SNX29: variants seen among roughly 807,000 people sequenced by gnomAD.
SNX29 encodes the protein sorting nexin 29.
Under a neutral mutation model 102.1 loss-of-function variants are expected in SNX29, and 78 were observed. The ratio of observed to expected loss-of-function variants is 0.76; its 90% CI spans 0.64 to 0.92. The LOEUF is 0.92. SNX29 is among the 40% of genes least tolerant of loss of function. The probability of loss-of-function intolerance (pLI) is 0.00; values close to 1 mark genes in which losing one functional copy is unlikely to be tolerated. For missense variants in SNX29, 1,280 were observed against 1,061.7 expected (o/e 1.21, Z -2.86); for synonymous variants, 580 against 414.5 (o/e 1.40, Z -4.85).
intron 15 of SNX29, among the ~76,000 whole-genome samples, chr16:12,343,699 G>C (rs8051010): frequency 0.41 from 61,107 of 150,856 alleles, 14,107 homozygotes; most frequent in Non-Finnish European, 0.54. Context: ...CCACGAGATA[G>C]GGAGCTCTGT....
chr16:12,495,981 A>G (rs895435111), intron 19 of SNX29, among the ~76,000 whole-genome samples: 11 of 152,114 alleles, frequency 7.2e-5, no homozygotes, highest in Admixed American at 5.9e-4. Flanking sequence ...TCAGGAGGTG[A>G]AGGTTTTAGT....
At chr16:12,212,544 G>A (rs925066689) in intron 14 of SNX29, among the ~76,000 whole-genome samples, 9 of 152,156 alleles carry the variant, frequency 5.9e-5, no homozygotes, top group East Asian at 1.9e-4. Flanking sequence ...CTGAGCTCAC[G>A]GAATAAGTTG....
chr16:12,517,945 A>C (rs1466740664), intron 19 of SNX29, among the ~76,000 whole-genome samples: 1 of 152,056 alleles, frequency 6.6e-6, no homozygotes, highest in Non-Finnish European at 1.5e-5. Context: ...TGTGCTGGAC[A>C]TGAGAAGAAA....
At chr16:12,206,369 C>G (rs2077043707) in intron 14 of SNX29, among the ~76,000 whole-genome samples, 1 of 119,730 alleles carries the variant, frequency 8.4e-6, no homozygotes, top group African/African-American at 3.1e-5. Context: ...TGGTAAATGT[C>G]TAACAAATAG....
intron 18 of SNX29, among the ~76,000 whole-genome samples, chr16:12,412,141 A>G (rs1222311373): frequency 6.6e-6 from 1 of 152,212 alleles, no homozygotes; most frequent in Non-Finnish European, 1.5e-5. Flanking sequence ...AGAGCCGGCC[A>G]TCGGGTAGGA....
intron 20 of SNX29, among the ~76,000 whole-genome samples, chr16:12,567,371 C>G (rs184161126): frequency 6.6e-6 from 1 of 152,148 alleles, no homozygotes; most frequent in African/African-American, 2.4e-5. Context: ...TGTTTTAAAA[C>G]ATTTTATCCC....
rs192816554 is a variant in SNX29, at chr16:12,559,810, C to T, written c.2319-8696C>T. On this transcript the variant is annotated intron_variant, in intron 20 of 20. Transcript: ENST00000566228. ...CCTTCGTCCTTACTATCTTCCAGGC[C>T]ATTTCCATCATCATCTCTGGCATTC... 8.4e-4 allele frequency among the ~76,000 whole-genome samples: 128 copies of T among 152,248 alleles called. 1 individual carries two copies. The Middle Eastern group carries it at 0.01, about 12-fold the overall frequency.
At chr16:12,559,326 T>A (rs976572698) in intron 20 of SNX29, among the ~76,000 whole-genome samples, 5 of 151,892 alleles carry the variant, frequency 3.3e-5, no homozygotes, top group African/African-American at 1.2e-4. Context: ...ACTGCCCATG[T>A]GAGGGATCTA....
intron 15 of SNX29, among the ~76,000 whole-genome samples, chr16:12,287,402 T>C (rs1465231033): frequency 5.9e-5 from 9 of 152,092 alleles, no homozygotes; most frequent in Admixed American, 5.9e-4. Flanking sequence ...TTTTAACTGG[T>C]AAAAAGTAGG....
At chr16:12,393,987 G>C (rs538514049) in intron 16 of SNX29, among the ~76,000 whole-genome samples, 2 of 152,226 alleles carry the variant, frequency 1.3e-5, no homozygotes, top group African/African-American at 2.4e-5. Flanking sequence ...GTGCATTTCT[G>C]TCTGTTCCTG....
intron 18 of SNX29, among the ~76,000 whole-genome samples, chr16:12,458,440 T>C (rs3862467): frequency 1 from 152,031 of 152,320 alleles, 75,871 homozygotes; most frequent in Middle Eastern, 1. Flanking sequence ...TGAGTGGTCT[T>C]GCTTCTGTGG....
chr16:12,151,512 G>A (rs1332877506), intron 13 of SNX29, among the ~76,000 whole-genome samples: 1 of 152,124 alleles, frequency 6.6e-6, no homozygotes, highest in Non-Finnish European at 1.5e-5. Context: ...TGCATGTTCT[G>A]CGTGATCTGA....
chr16:12,331,225 CACTCCTAGAA>C (rs1268220016), intron 15 of SNX29, among the ~76,000 whole-genome samples: 1 of 151,692 alleles, frequency 6.6e-6, no homozygotes, highest in Non-Finnish European at 1.5e-5. Flanking sequence ...TGCCCGGTTT[CACTCCTAGAA>C]ACTCCTACAC....
In SNX29 at chr16:12,570,028, T is replaced by A. The variant is rs763137150; in HGVS notation, c.*1399T>A. On this transcript the variant is annotated 3_prime_UTR_variant, in exon 21 of 21. Coordinates refer to ENST00000566228, the MANE Select transcript of SNX29 (RefSeq NM_032167.5). ...AAAATGAGAACTGCCCAGGTGAGCA[T>A]GGAGCATCTCCTAGGCTCGAGGACA... 3.1e-4 allele frequency: 112 copies of A among 365,166 alleles called. No homozygotes were observed. Among genetic ancestry groups the A allele is most frequent in the Admixed American group, 1.4e-3 (25 of 17,874 alleles). The allele number at this position is 365,166 out of a possible 1,614,324, so 22.6% of individuals were successfully genotyped here. A position where few individuals can be genotyped will look rare whatever the true frequency, so the allele number is the denominator to read the frequency against.
At chr16:12,289,098 A>G (rs538265577) in intron 15 of SNX29, among the ~76,000 whole-genome samples, 1 of 152,318 alleles carries the variant, frequency 6.6e-6, no homozygotes, top group Admixed American at 6.5e-5. Context: ...GGGAGGATGG[A>G]AACAGATTCT....
intron 13 of SNX29, among the ~76,000 whole-genome samples, chr16:12,159,383 G>A (rs2055687548): frequency 6.6e-6 from 1 of 152,238 alleles, no homozygotes; most frequent in Admixed American, 6.5e-5. Context: ...TTGAGTAGAT[G>A]CAAGATGATT....
At chr16:12,420,979 C>T (rs115979461) in intron 18 of SNX29, among the ~76,000 whole-genome samples, 400 of 152,302 alleles carry the variant, frequency 2.6e-3, no homozygotes, top group African/African-American at 9.1e-3. Context: ...GTCCTGTGTA[C>T]TAGGTGCTAT....
intron 15 of SNX29, among the ~76,000 whole-genome samples, chr16:12,336,412 G>A (rs551095899): frequency 1.3e-5 from 2 of 152,228 alleles, no homozygotes; most frequent in African/African-American, 2.4e-5. Flanking sequence ...GTCTGTCACC[G>A]TGTTGTTGAG....
At chr16:12,538,907 C>T (rs542136773) in intron 20 of SNX29, among the ~76,000 whole-genome samples, 42 of 105,002 alleles carry the variant, frequency 4.0e-4, no homozygotes, top group Admixed American at 6.3e-4. Flanking sequence ...ATGACCTGTT[C>T]TAAGTGGGAG....
Sources: allele counts gnomAD v4.1 joint callset (sites outside exome capture counted in the v4.1 genomes callset), GRCh38; gene constraint gnomAD v4.1.1; transcripts MANE v1.5; gene names NCBI Gene and HGNC (gene_info 2026-07-23, HGNC 2026-07-21).